Variants in PAIP1 observed in about 807,000 individuals in gnomAD.
PAIP1 encodes the protein poly(A) binding protein interacting protein 1.
PAIP1 carries 16 observed loss-of-function variants against 61.3 expected under a neutral mutation model. The ratio of observed to expected loss-of-function variants is 0.26; its 90% CI spans 0.18 to 0.40. The LOEUF (loss-of-function observed/expected upper bound fraction) is 0.40. PAIP1 is among the 10% of genes least tolerant of loss of function. PAIP1 has a pLI of 1.00. For synonymous variants in PAIP1, 187 were observed against 226.2 expected, an observed-to-expected ratio of 0.83 and a Z score of 1.56; for missense variants, 416 against 600.9, an observed-to-expected ratio of 0.69 and a Z score of 3.22.
At chr5:43,553,524 C>T (rs760364035) in intron 2 of PAIP1, among the ~76,000 whole-genome samples, 6 of 152,138 alleles carry the variant, frequency 3.9e-5, no homozygotes, top group Admixed American at 1.3e-4. Context: ...AAGTACTTGA[C>T]TATTTGTTGA....
chr5:43,534,819 A>G (rs373142788), intron 8 of PAIP1, 34 bp downstream of exon 8: 111 of 1,121,538 alleles, frequency 9.9e-5, no homozygotes, highest in Admixed American at 4.7e-4. Context: ...AATTCAAGCA[A>G]TAAGTAAAAC....
chr5:43,556,337 G>A (rs1748071138), intron 1 of PAIP1: 2 of 1,235,782 alleles, frequency 1.6e-6, no homozygotes, highest in East Asian at 3.2e-5. Flanking sequence ...CTTCCTCCCG[G>A]GACCCCGAAC....
chr5:43,531,682 A>G (rs930949561), intron 9 of PAIP1, among the ~76,000 whole-genome samples: 1 of 149,718 alleles, frequency 6.7e-6, no homozygotes, highest in African/African-American at 2.4e-5. Flanking sequence ...AAAAAAGAGA[A>G]AAAAAGAAAA....
chr5:43,538,577 C>A (rs1365872311), intron 5 of PAIP1, among the ~76,000 whole-genome samples: 3 of 152,150 alleles, frequency 2.0e-5, no homozygotes, highest in Non-Finnish European at 2.9e-5. Flanking sequence ...GAGCCACCAT[C>A]TGAAAGTCAA....
chr5:43,550,498 T>C (rs766759366), intron 2 of PAIP1, among the ~76,000 whole-genome samples: 1 of 152,150 alleles, frequency 6.6e-6, no homozygotes, highest in Non-Finnish European at 1.5e-5. Context: ...GCACCTAGGA[T>C]GGTACTCCAG....
intron 7 of PAIP1, 126 bp from the exon 8 acceptor site, chr5:43,535,096 G>C (rs367871748): frequency 6.2e-6 from 4 of 644,648 alleles, no homozygotes; most frequent in African/African-American, 5.5e-5. Flanking sequence ...TGACTTTCTA[G>C]ACGTTTCCTA....
chr5:43,554,509 A>G (rs1747988807), intron 2 of PAIP1, among the ~76,000 whole-genome samples: 1 of 152,198 alleles, frequency 6.6e-6, no homozygotes, highest in African/African-American at 2.4e-5. Flanking sequence ...TATACAGCAT[A>G]AGAATCATGG....
At position 43,526,832 on chromosome 5, in the gene PAIP1, A is replaced by G. The variant is rs1746729608; in HGVS notation, c.*544T>C. The G allele has an allele frequency of 6.6e-6, 1 of 152,112 alleles. No homozygotes were observed. The highest frequency in any genetic ancestry group is 6.5e-5 in the Admixed American group (1 of 15,274). The allele number at this position is 152,112 out of a possible 1,614,324, so 9.4% of individuals were successfully genotyped here. A position where few individuals can be genotyped will look rare whatever the true frequency, so the allele number is the denominator to read the frequency against. ...TTTTTCCCCCCCATGACATTTAAAAAGCCCTTGGTATCAAATAGCATCTGC... is the reference window on the plus strand; with the variant it reads ...TTTTTCCCCCCCATGACATTTAAAAGGCCCTTGGTATCAAATAGCATCTGC... On this transcript the variant is annotated 3_prime_UTR_variant, in exon 11 of 11. Coordinates refer to ENST00000306846, the MANE Select transcript of PAIP1 (RefSeq NM_006451.5).
At chr5:43,541,556 C>G (rs1207892479) in intron 4 of PAIP1, among the ~76,000 whole-genome samples, 1 of 150,220 alleles carries the variant, frequency 6.7e-6, no homozygotes, top group Non-Finnish European at 1.5e-5. Context: ...GTTATGCTAC[C>G]AGCACAATTT....
Position 43,556,009 on chromosome 5 carries a change from A to G in PAIP1, c.266-10T>C, listed in dbSNP as rs772429786. ...AGGGGCCTCGTTTGCTCTGCAAAAG[A>G]AAAAAAAACGGGGCGTCAGATGCAT... On this transcript the variant is annotated splice_polypyrimidine_tract_variant and intron_variant, in intron 1 of 10. Transcript: ENST00000306846. The G allele has an allele frequency of 1.9e-6, 3 of 1,595,102 alleles. No individual in the cohort carries two copies. Among genetic ancestry groups the G allele is most frequent in the Admixed American group, 1.8e-5 (1 of 55,862 alleles).
At chr5:43,556,043 T>C in intron 1 of PAIP1, 44 bp from the exon 2 acceptor site, 2 of 1,593,652 alleles carry the variant, frequency 1.3e-6, no homozygotes, top group South Asian at 2.3e-5. Context: ...ATTCTTTCCT[T>C]TGTACAGCAA....
chr5:43,547,928 T>A lies in PAIP1; in HGVS notation c.436-15A>T, dbSNP rs1445081530. On this transcript the variant is annotated splice_polypyrimidine_tract_variant and intron_variant, in intron 2 of 10. Coordinates refer to ENST00000306846, the MANE Select transcript of PAIP1 (RefSeq NM_006451.5). Reference sequence around the variant, plus strand: ...TCATAGGATTCCTACGGATCAAAAATGAAAAAACAATTTTAATCTATGCAA... The same window carrying A: ...TCATAGGATTCCTACGGATCAAAAAAGAAAAAACAATTTTAATCTATGCAA... The A allele has an allele frequency of 5.7e-6, 9 of 1,566,284 alleles. No homozygotes were observed. The highest frequency in any genetic ancestry group is 1.7e-4 in the Middle Eastern group (1 of 5,734).
At chr5:43,537,063 A>G in intron 5 of PAIP1, 119 bp from the exon 6 acceptor site, 1 of 606,210 alleles carries the variant, frequency 1.6e-6, no homozygotes, top group South Asian at 2.9e-5. Context: ...AAGTCACAGG[A>G]ACACACTCTG....
intron 9 of PAIP1, 56 bp from the exon 10 acceptor site, chr5:43,529,935 C>A: frequency 1.2e-6 from 1 of 805,786 alleles, no homozygotes; most frequent in Non-Finnish European, 2.2e-6. Context: ...CATGAAATGA[C>A]CAATCACCCC....
At chr5:43,547,630 C>G in intron 3 of PAIP1, 98 bp downstream of exon 3, 1 of 709,636 alleles carries the variant, frequency 1.4e-6, no homozygotes, top group Middle Eastern at 4.1e-4. Context: ...AGTGTGGAGG[C>G]AGGTGATCAT....
intron 6 of PAIP1, among the ~76,000 whole-genome samples, chr5:43,536,270 G>A (rs1747151923): frequency 2.6e-5 from 4 of 152,154 alleles, no homozygotes; most frequent in Admixed American, 2.6e-4. Context: ...CCAAATCCGT[G>A]TTTAAGAATT....
At chr5:43,541,919 G>A (rs928163338) in intron 4 of PAIP1, among the ~76,000 whole-genome samples, 2 of 152,078 alleles carry the variant, frequency 1.3e-5, no homozygotes, top group African/African-American at 2.4e-5. Flanking sequence ...GCTCACGCCT[G>A]TAATCCCAGC....
In PAIP1 at chr5:43,534,490, C is replaced by T. The variant is rs538285005; in HGVS notation, c.1197+363G>A. On this transcript the variant is annotated intron_variant, in intron 8 of 10. Transcript: ENST00000306846. ...CTGGGATTACAGGTGTGAGCCACTA[C>T]GCCCAGCCAACCAATTTTATTTTAT... 2.1e-3 allele frequency among the ~76,000 whole-genome samples: 320 copies of T among 152,308 alleles called. 1 individual carries two copies. The highest frequency in any genetic ancestry group is 3.4e-3 in the Middle Eastern group (1 of 294).
At chr5:43,527,491 A>G (rs750574487) in intron 10 of PAIP1, 22 bp from the exon 11 acceptor site, 20 of 1,588,330 alleles carry the variant, frequency 1.3e-5, no homozygotes, top group East Asian at 4.5e-5. Flanking sequence ...AAGATGATTC[A>G]TAAGTGTAAG....
Sources: allele counts gnomAD v4.1 joint callset (sites outside exome capture counted in the v4.1 genomes callset), GRCh38; gene constraint gnomAD v4.1.1; transcripts MANE v1.5; gene names NCBI Gene and HGNC (gene_info 2026-07-23, HGNC 2026-07-21).